HCN1: variants seen among roughly 807,000 people sequenced by gnomAD.
The protein encoded by HCN1 is potassium/sodium hyperpolarization-activated cyclic nucleotide-gated channel 1.
A neutral mutation model predicts 78.9 loss-of-function variants in HCN1; 13 were observed. The observed-to-expected ratio is 0.16, with a 90% CI of 0.11 to 0.26. HCN1 has a LOEUF of 0.26. Ranked by LOEUF, HCN1 falls within the 10% of genes least tolerant of loss-of-function variation. HCN1 has a pLI of 1.00. For missense variants in HCN1, 810 were observed against 1,154.3 expected (o/e 0.70, Z 4.32); for synonymous variants, 552 against 455.5 (o/e 1.21, Z -2.70).
At chr5:45,505,806 TG>T (rs1321222946) in intron 2 of HCN1, among the ~76,000 whole-genome samples, 1 of 152,170 alleles carries the variant, frequency 6.6e-6, no homozygotes, top group Non-Finnish European at 1.5e-5. Context: ...ACATCCATGT[TG>T]GAGGCTATTC....
chr5:45,502,527 A>T (rs532375483), intron 2 of HCN1, among the ~76,000 whole-genome samples: 1 of 152,182 alleles, frequency 6.6e-6, no homozygotes, highest in Non-Finnish European at 1.5e-5. Context: ...CTCACTAGCC[A>T]TGTACAAGTT....
chr5:45,295,723 A>G (rs938393879), intron 6 of HCN1, among the ~76,000 whole-genome samples: 2 of 151,972 alleles, frequency 1.3e-5, no homozygotes, highest in Non-Finnish European at 2.9e-5. Context: ...TTATTTAGTT[A>G]GATATATTAG....
At chr5:45,664,676 C>T (rs1335571036) in intron 1 of HCN1, among the ~76,000 whole-genome samples, 1 of 151,892 alleles carries the variant, frequency 6.6e-6, no homozygotes, top group African/African-American at 2.4e-5. Context: ...GACATTTATG[C>T]AGCCAAAAAA....
chr5:45,445,167 G>A (rs914880337), intron 3 of HCN1, among the ~76,000 whole-genome samples: 1 of 152,144 alleles, frequency 6.6e-6, no homozygotes, highest in African/African-American at 2.4e-5. Flanking sequence ...CTGGAAAATC[G>A]GGTCACTCCC....
chr5:45,492,866 GA>G (rs1391356891), intron 2 of HCN1, among the ~76,000 whole-genome samples: 4 of 151,850 alleles, frequency 2.6e-5, no homozygotes, highest in Admixed American at 1.3e-4. Context: ...TTTGTTCTTA[GA>G]AAAACTCTTT....
intron 4 of HCN1, among the ~76,000 whole-genome samples, chr5:45,385,929 C>A (rs1211588045): frequency 1.3e-5 from 2 of 152,144 alleles, no homozygotes; most frequent in Non-Finnish European, 2.9e-5. Context: ...CTTAGCTCTA[C>A]AATCCTCCTG....
intron 2 of HCN1, among the ~76,000 whole-genome samples, chr5:45,554,045 G>C (rs556840822): frequency 6.6e-6 from 1 of 151,866 alleles, no homozygotes; most frequent in South Asian, 2.1e-4. Context: ...GGAATTCCTG[G>C]CCTTTCCTCA....
intron 4 of HCN1, among the ~76,000 whole-genome samples, chr5:45,375,996 A>T (rs1424794859): frequency 1.7e-5 from 2 of 117,392 alleles, no homozygotes; most frequent in Non-Finnish European, 3.2e-5. Context: ...ATATGATATA[A>T]TATTTTATAA....
chr5:45,679,018 A>G (rs1412465567), intron 1 of HCN1, among the ~76,000 whole-genome samples: 1 of 152,024 alleles, frequency 6.6e-6, no homozygotes, highest in Non-Finnish European at 1.5e-5. Context: ...TAGAATTCAT[A>G]TACCCAGAAC....
At chr5:45,599,142 A>G (rs1744571534) in intron 2 of HCN1, among the ~76,000 whole-genome samples, 1 of 152,186 alleles carries the variant, frequency 6.6e-6, no homozygotes, top group Admixed American at 6.5e-5. Flanking sequence ...CACAATAGCA[A>G]AGACTTGGAA....
At chr5:45,504,180 C>T (rs941216319) in intron 2 of HCN1, among the ~76,000 whole-genome samples, 1 of 151,984 alleles carries the variant, frequency 6.6e-6, no homozygotes, top group Non-Finnish European at 1.5e-5. Flanking sequence ...ATACATGTGC[C>T]ATGTTGGTGT....
At chr5:45,332,397 A>C (rs1746363359) in intron 5 of HCN1, among the ~76,000 whole-genome samples, 1 of 150,912 alleles carries the variant, frequency 6.6e-6, no homozygotes, top group East Asian at 2.0e-4. Flanking sequence ...CACTATAGTC[A>C]CCTTGCTGTG....
intron 6 of HCN1, among the ~76,000 whole-genome samples, chr5:45,288,350 T>C (rs949260150): frequency 7.2e-5 from 11 of 152,070 alleles, no homozygotes; most frequent in African/African-American, 2.7e-4. Flanking sequence ...TTAAAAATAC[T>C]GTGAACTAGA....
intron 2 of HCN1, among the ~76,000 whole-genome samples, chr5:45,563,875 T>G (rs889156248): frequency 6.6e-6 from 1 of 152,208 alleles, no homozygotes; most frequent in Admixed American, 6.5e-5. Flanking sequence ...GTCCACTTCC[T>G]ATTTTTGAAG....
rs182788810 is a variant in HCN1, at chr5:45,653,249, G to A, written c.426-7641C>T. Among the ~76,000 whole-genome samples, 9 of 152,096 alleles carry A rather than the reference G, an allele frequency of 5.9e-5. No homozygotes were observed. The East Asian group carries it at 1.5e-3, about 26-fold the overall frequency. ...TACTTCAACAGTCAAATAAATTCCA[G>A]TTCCTTCACAGAACTCCCTTTCACC... On this transcript the variant is annotated intron_variant, in intron 1 of 7. Coordinates refer to ENST00000303230, the MANE Select transcript of HCN1 (RefSeq NM_021072.4).
At chr5:45,327,406 C>A (rs994430633) in intron 5 of HCN1, among the ~76,000 whole-genome samples, 3 of 151,604 alleles carry the variant, frequency 2.0e-5, no homozygotes, top group African/African-American at 7.3e-5. Context: ...ATAGAATCCA[C>A]ATAAATTAAT....
chr5:45,646,441 G>GCTCACTGA (rs1745552018), intron 1 of HCN1, among the ~76,000 whole-genome samples: 1 of 140,826 alleles, frequency 7.1e-6, no homozygotes, highest in African/African-American at 2.7e-5. Flanking sequence ...CACAATCTCA[G>GCTCACTGA]CTCACTGAAA....
intron 3 of HCN1, among the ~76,000 whole-genome samples, chr5:45,435,726 T>C (rs1740550290): frequency 6.6e-6 from 1 of 152,110 alleles, no homozygotes; most frequent in African/African-American, 2.4e-5. Context: ...AATCTACTAA[T>C]CAAAATTCTC....
intron 2 of HCN1, among the ~76,000 whole-genome samples, chr5:45,504,099 ATTC>A (rs200884322): frequency 2.6e-4 from 39 of 151,886 alleles, no homozygotes; most frequent in African/African-American, 7.0e-4. Context: ...TTTTATTATT[ATTC>A]TTCTTCTTAT....
Sources: gnomAD v4.1 joint callset for allele counts (sites outside exome capture counted in the v4.1 genomes callset) on GRCh38, gnomAD v4.1.1 for gene constraint, MANE v1.5 for transcripts, NCBI Gene and HGNC (gene_info 2026-07-23, HGNC 2026-07-21) for gene names.